PIKFYVE: variants seen among roughly 807,000 people sequenced by gnomAD.
PIKFYVE encodes the protein phosphoinositide kinase, FYVE-type zinc finger containing.
A neutral mutation model predicts 257.9 loss-of-function variants in PIKFYVE; 122 were observed. That is an observed-to-expected ratio of 0.47 (90% CI 0.41 to 0.55). The LOEUF is 0.55. Among genes scored for constraint, PIKFYVE ranks in the 20% least tolerant of loss-of-function variants. PIKFYVE has a pLI of 0.00. For missense variants in PIKFYVE, 2,160 were observed against 2,536.6 expected (o/e 0.85, Z 3.19); for synonymous variants, 892 against 868.9 (o/e 1.03, Z -0.47).
chr2:208,326,020 A>G lies in PIKFYVE; in HGVS notation c.3209A>G (p.Glu1070Gly), dbSNP rs1237854193. 2 of 1,614,012 alleles carry G rather than the reference A, an allele frequency of 1.2e-6. No individual in the cohort carries two copies. The highest frequency in any genetic ancestry group is 1.3e-5 in the African/African-American group (1 of 74,914). The change falls in exon 20 of 42, where the codon GAA becomes GGA. Residue 1070 changes from glutamate to glycine, a missense_variant. By Grantham distance (98) the Glu-to-Gly change is moderately conservative (BLOSUM62 -2). Transcript: ENST00000264380. ...ITFREPFLLT[E>G]KGMRCSTRDY... ...TTCCGAGAACCCTTTCTTTTAACTG[A>G]AAAGGGGATGAGATGCTCTACCCGA...
At chr2:208,269,440 A>C in intron 1 of PIKFYVE, 1 of 244,326 alleles carries the variant, frequency 4.1e-6, no homozygotes, top group Non-Finnish European at 8.6e-6. Flanking sequence ...CTTCCCTCCC[A>C]GGGTGGTGAG....
At position 208,271,516 on chromosome 2, in the gene PIKFYVE, T is replaced by C. The variant is rs1310185964; in HGVS notation, c.-4T>C. 1 of 1,614,148 alleles carries C rather than the reference T, an allele frequency of 6.2e-7. No individual in the cohort carries two copies. The highest frequency in any genetic ancestry group is 1.7e-5 in the Admixed American group (1 of 60,026). ...TTGTTTCTTTTGTTTTTCAGACTCATGAAATGGCCACAGATGATAAGACGT... is the reference window on the plus strand; with the variant it reads ...TTGTTTCTTTTGTTTTTCAGACTCACGAAATGGCCACAGATGATAAGACGT... On this transcript the variant is annotated 5_prime_UTR_variant, in exon 2 of 42. It removes an upstream start codon present in the reference 5' UTR. Coordinates refer to ENST00000264380, the MANE Select transcript of PIKFYVE (RefSeq NM_015040.4).
chr2:208,313,248 TG>T (rs1695122861), intron 13 of PIKFYVE, among the ~76,000 whole-genome samples: 1 of 152,246 alleles, frequency 6.6e-6, no homozygotes, highest in South Asian at 2.1e-4. Context: ...CATATTTTTT[TG>T]TTAAGCATTT....
At chr2:208,274,753 C>T (rs1689887177) in intron 3 of PIKFYVE, among the ~76,000 whole-genome samples, 1 of 152,122 alleles carries the variant, frequency 6.6e-6, no homozygotes, top group Non-Finnish European at 1.5e-5. Context: ...CCTTTTATTC[C>T]AGATAATCTC....
Position 208,358,399 on chromosome 2 carries a change from G to GTTTTTTTT in PIKFYVE, c.*3097_*3104dup. 6.8e-6 allele frequency: 1 copy of GTTTTTTTT among 147,784 alleles called. No individual in the cohort carries two copies. Among genetic ancestry groups the GTTTTTTTT allele is most frequent in the Non-Finnish European group, 1.5e-5 (1 of 67,166 alleles). The allele number at this position is 147,784 out of a possible 1,614,324, so 9.2% of individuals were successfully genotyped here. A position where few individuals can be genotyped will look rare whatever the true frequency, so the allele number is the denominator to read the frequency against. Reference sequence around the variant, plus strand: ...CATCTAGTGCAATGTTTTTGTTTTTGTTTTTTTTTTGGTAACACAGGTGCA... The same window carrying GTTTTTTTT: ...CATCTAGTGCAATGTTTTTGTTTTTGTTTTTTTTTTTTTTTTTTGGTAACACAGGTGCA... On this transcript the variant is annotated 3_prime_UTR_variant, in exon 42 of 42. Transcript: ENST00000264380.
intron 21 of PIKFYVE, among the ~76,000 whole-genome samples, chr2:208,329,042 AGATT>A (rs1231574126): frequency 1.3e-5 from 2 of 152,266 alleles, no homozygotes; most frequent in Non-Finnish European, 2.9e-5. Flanking sequence ...AAACTTAAGT[AGATT>A]GATAGAAACT....
intron 28 of PIKFYVE, among the ~76,000 whole-genome samples, chr2:208,337,846 C>T (rs1385453026): frequency 1.3e-5 from 2 of 152,056 alleles, no homozygotes; most frequent in Admixed American, 6.5e-5. Flanking sequence ...CTCAGCCTCT[C>T]GAGTAGCTGG....
intron 24 of PIKFYVE, 57 bp from the exon 25 acceptor site, chr2:208,335,249 T>A (rs1698002273): frequency 1.8e-6 from 2 of 1,109,476 alleles, no homozygotes; most frequent in Non-Finnish European, 2.8e-6. Context: ...GATACAGCTC[T>A]ATTCAAGATA....
intron 3 of PIKFYVE, among the ~76,000 whole-genome samples, chr2:208,274,514 A>G (rs1163812128): frequency 1.3e-5 from 2 of 152,154 alleles, no homozygotes; most frequent in Non-Finnish European, 2.9e-5. Context: ...ATCTTCCCCC[A>G]GATAGTGGTG....
At position 208,325,791 on chromosome 2, in the gene PIKFYVE, G is replaced by A. The variant is rs755011998; in HGVS notation, c.2980G>A (p.Glu994Lys). Residue 994 changes from glutamate (E) to lysine (K), a missense_variant, in exon 20 of 42, where the codon GAG becomes AAG. Glu to Lys is a moderately conservative substitution (Grantham distance 56). Transcript: ENST00000264380. Reference protein sequence around the residue: ...VDDQQDALGSEQPETLQQTVV... With the variant: ...VDDQQDALGSKQPETLQQTVV... ...TGACCAACAAGATGCTTTAGGCAGC[G>A]AGCAGCCAGAGACTTTGCAGCAAAC... 19 of 1,613,884 alleles carry A rather than the reference G, an allele frequency of 1.2e-5. No individual in the cohort carries two copies. In the Admixed American group the frequency reaches 2.0e-4, roughly 17 times the overall value.
At chr2:208,268,104 T>TG (rs1384161144) in intron 1 of PIKFYVE, among the ~76,000 whole-genome samples, 1 of 152,158 alleles carries the variant, frequency 6.6e-6, no homozygotes, top group Non-Finnish European at 1.5e-5. Flanking sequence ...TTTTAAAGCG[T>TG]TGTTAAGCTG....
intron 3 of PIKFYVE, chr2:208,274,064 A>G: frequency 6.2e-7 from 1 of 1,610,862 alleles, no homozygotes; most frequent in Non-Finnish European, 8.5e-7. Context: ...GTTAGTTTCC[A>G]CTTTGTGAAT....
intron 6 of PIKFYVE, 82 bp downstream of exon 6, chr2:208,286,015 T>C: frequency 1.5e-6 from 2 of 1,318,318 alleles, no homozygotes; most frequent in South Asian, 2.4e-5. Flanking sequence ...CAGTTAACAC[T>C]TACCCTCTTA....
intron 13 of PIKFYVE, among the ~76,000 whole-genome samples, chr2:208,313,552 T>G (rs1369011924): frequency 1.3e-5 from 2 of 152,160 alleles, no homozygotes; most frequent in African/African-American, 4.8e-5. Context: ...AGCATTCAGA[T>G]TTCTGTTGAA....
chr2:208,322,765 T>C lies in PIKFYVE; in HGVS notation c.2191-1377T>C, dbSNP rs148562430. Among the ~76,000 whole-genome samples, 7 of 151,832 alleles carry C rather than the reference T, an allele frequency of 4.6e-5. No individual in the cohort carries two copies. In the East Asian group the frequency reaches 1.4e-3, roughly 29 times the overall value. On this transcript the variant is annotated intron_variant, in intron 17 of 41. Transcript: ENST00000264380. Reference sequence around the variant, plus strand: ...ACAATGTGCAGGTTTGTTACATATGTATACATATGCCATGTTCATGTGTTG... The same window carrying C: ...ACAATGTGCAGGTTTGTTACATATGCATACATATGCCATGTTCATGTGTTG...
chr2:208,310,310 T>C (rs1413709880), intron 12 of PIKFYVE, among the ~76,000 whole-genome samples: 4 of 152,200 alleles, frequency 2.6e-5, no homozygotes, highest in African/African-American at 4.8e-5. Context: ...TATTTTCTTA[T>C]GGATTGTCCT....
chr2:208,334,125 T>C (rs1697863075), intron 24 of PIKFYVE, among the ~76,000 whole-genome samples: 1 of 152,264 alleles, frequency 6.6e-6, no homozygotes, highest in Admixed American at 6.5e-5. Flanking sequence ...CTTCAGGTTC[T>C]GCCTTCAAAA....
chr2:208,353,844 CTAAT>C, intron 39 of PIKFYVE, 50 bp from the exon 40 acceptor site: 1 of 1,599,176 alleles, frequency 6.3e-7, no homozygotes, highest in South Asian at 1.1e-5. Flanking sequence ...CTTACATTAA[CTAAT>C]CATTTGTGGC....
chr2:208,345,449 G>GA, intron 33 of PIKFYVE, among the ~76,000 whole-genome samples: 2 of 151,756 alleles, frequency 1.3e-5, no homozygotes, highest in Non-Finnish European at 2.9e-5. Context: ...GGACATTTTT[G>GA]AAAAAAATGA....
Sources: allele counts gnomAD v4.1 joint callset (sites outside exome capture counted in the v4.1 genomes callset), GRCh38; gene constraint gnomAD v4.1.1; transcripts MANE v1.5; gene names NCBI Gene and HGNC (gene_info 2026-07-23, HGNC 2026-07-21).